LNX2: variants seen among roughly 807,000 people sequenced by gnomAD.
LNX2 encodes ligand of numb-protein X 2, also known as ligand of Numb protein X 2.
Under a neutral mutation model 66.2 loss-of-function variants are expected in LNX2, and 35 were observed. The ratio of observed to expected loss-of-function variants is 0.53; its 90% CI spans 0.40 to 0.70. The LOEUF is 0.70. Among genes scored for constraint, LNX2 ranks in the 30% least tolerant of loss-of-function variants. The pLI, the probability that LNX2 is intolerant of heterozygous loss-of-function variation, is 0.00. For missense variants in LNX2, 791 were observed against 850.8 expected, an observed-to-expected ratio of 0.93 and a Z score of 0.87; for synonymous variants, 337 against 315.6, an observed-to-expected ratio of 1.07 and a Z score of -0.72.
chr13:27,613,346 G>T (rs1955793098), intron 1 of LNX2, among the ~76,000 whole-genome samples: 1 of 151,870 alleles, frequency 6.6e-6, no homozygotes, highest in South Asian at 2.1e-4. Context: ...CACTCTAATA[G>T]AAAGTGTGGG....
At chr13:27,554,603 G>A (rs1001662358) in intron 7 of LNX2, among the ~76,000 whole-genome samples, 1 of 152,114 alleles carries the variant, frequency 6.6e-6, no homozygotes, top group Non-Finnish European at 1.5e-5. Flanking sequence ...TTGCTGTATG[G>A]GTAGACCACA....
rs1240493941 is a variant in LNX2 at position 27,616,584 on chromosome 13, A to G, written c.-101+3791T>C. On this transcript the variant is annotated intron_variant, in intron 1 of 9. Transcript: ENST00000316334. ...GAATTTTATTTTTGGTTTACAATAC[A>G]TTAATATTTGTTTAAGTACTTAGGG... Among the ~76,000 whole-genome samples the G allele has an allele frequency of 2.6e-5, 4 of 152,206 alleles. No individual in the cohort carries two copies. The East Asian group carries it at 7.7e-4, about 29-fold the overall frequency.
intron 2 of LNX2, among the ~76,000 whole-genome samples, chr13:27,575,117 T>A (rs1174167532): frequency 6.6e-6 from 1 of 152,232 alleles, no homozygotes; most frequent in Non-Finnish European, 1.5e-5. Flanking sequence ...CTCAAGTTCA[T>A]GTGAAAAATG....
At chr13:27,580,887 T>C (rs2138392517) in intron 2 of LNX2, among the ~76,000 whole-genome samples, 1 of 152,306 alleles carries the variant, frequency 6.6e-6, no homozygotes, top group Non-Finnish European at 1.5e-5. Context: ...GCACTGAACA[T>C]ATTTACATAC....
chr13:27,618,441 C>T (rs904382865), intron 1 of LNX2, among the ~76,000 whole-genome samples: 1 of 152,188 alleles, frequency 6.6e-6, no homozygotes, highest in African/African-American at 2.4e-5. Flanking sequence ...CACTTAACCC[C>T]TCCATTAGAA....
intron 4 of LNX2, 131 bp downstream of exon 4, chr13:27,567,509 T>A (rs775885205): frequency 1.4e-6 from 1 of 699,658 alleles, no homozygotes; most frequent in African/African-American, 1.8e-5. Flanking sequence ...TAAATTCTGA[T>A]GTTTTGCATA....
chr13:27,581,188 C>T (rs150336124), intron 2 of LNX2, 109 bp downstream of exon 2: 737 of 723,684 alleles, frequency 1.0e-3, no homozygotes, highest in African/African-American at 7.9e-3. Flanking sequence ...TTGATTCACC[C>T]ATTTACTTAC....
chr13:27,602,991 T>G (rs1161666462), intron 1 of LNX2, among the ~76,000 whole-genome samples: 1 of 152,152 alleles, frequency 6.6e-6, no homozygotes, highest in African/African-American at 2.4e-5. Context: ...TTATAAATTT[T>G]ATATATAACT....
intron 1 of LNX2, among the ~76,000 whole-genome samples, chr13:27,592,656 T>C (rs1219499125): frequency 6.6e-6 from 1 of 152,132 alleles, no homozygotes; most frequent in Non-Finnish European, 1.5e-5. Context: ...TAGATGAGTG[T>C]AAGCAGCAAA....
intron 1 of LNX2, among the ~76,000 whole-genome samples, chr13:27,593,563 C>CG (rs1555269238): frequency 8.0e-4 from 92 of 115,560 alleles, no homozygotes; most frequent in African/African-American, 2.7e-3. Context: ...CTGGCTGAAA[C>CG]TTTTTTTTTT....
chr13:27,586,782 ATCT>A (rs1955491712), intron 1 of LNX2, among the ~76,000 whole-genome samples: 1 of 152,248 alleles, frequency 6.6e-6, no homozygotes, highest in African/African-American at 2.4e-5. Flanking sequence ...TAACTGTATA[ATCT>A]ATTTAACAGT....
At position 27,547,218 on chromosome 13, in the gene LNX2, A is replaced by T. The variant is rs1053289071; in HGVS notation, c.*1117T>A. 2.0e-5 allele frequency: 3 copies of T among 152,220 alleles called. No homozygotes were observed. The highest frequency in any genetic ancestry group is 2.1e-4 in the South Asian group (1 of 4,828). 9.4% of individuals were successfully genotyped at this position (152,220 alleles called of 1,614,324 possible). A position where few individuals can be genotyped will look rare whatever the true frequency, so the allele number is the denominator to read the frequency against. On this transcript the variant is annotated 3_prime_UTR_variant, in exon 10 of 10. Coordinates refer to ENST00000316334, the MANE Select transcript of LNX2 (RefSeq NM_153371.4). The stretch of plus-strand genomic sequence containing the variant: ...ACATTTCTAGCCAAGATTACTGCTA[A>T]GAATAACACAACTCTAGAAATAATT...
In LNX2 at chr13:27,553,376, G is replaced by T. The variant is rs1237295413; in HGVS notation, c.1610C>A (p.Ala537Glu). 6.2e-7 allele frequency: 1 copy of T among 1,614,018 alleles called. No individual in the cohort carries two copies. Among genetic ancestry groups the T allele is most frequent in the Non-Finnish European group, 8.5e-7 (1 of 1,180,032 alleles). ...LTNLSHSEAV[A>E]MLKASAASPA... ...GGACGCGGCACTGGCTTTCAGCATT[G>T]CAACTGCCTCACTGTGACTTAAATT... Residue 537 changes from alanine to glutamate, a missense_variant, in exon 8 of 10, where the codon GCA becomes GAA. Transcript: ENST00000316334.
In LNX2 at chr13:27,556,427, GA is replaced by G; in HGVS notation, c.1369-15del. On this transcript the variant is annotated splice_polypyrimidine_tract_variant and intron_variant, in intron 6 of 9. Coordinates refer to ENST00000316334, the MANE Select transcript of LNX2 (RefSeq NM_153371.4). ...CTGAGTAAGATCCTAAAACATACAA[GA>G]AAAAAATCATTGGATAATGAATAAA... The G allele has an allele frequency of 6.2e-7, 1 of 1,601,826 alleles. No homozygotes were observed. The highest frequency in any genetic ancestry group is 8.5e-7 in the Non-Finnish European group (1 of 1,173,974).
intron 1 of LNX2, among the ~76,000 whole-genome samples, chr13:27,583,292 G>C (rs367677664): frequency 1.6e-5 from 2 of 124,180 alleles, no homozygotes; most frequent in South Asian, 2.7e-4. Flanking sequence ...TTTTAAGTTC[G>C]ATCTGTTGCC....
At chr13:27,563,419 A>G (rs1394552669) in intron 4 of LNX2, among the ~76,000 whole-genome samples, 1 of 152,216 alleles carries the variant, frequency 6.6e-6, no homozygotes, top group African/African-American at 2.4e-5. Context: ...TGCAAAAGTA[A>G]TTACGGTTTT....
intron 1 of LNX2, among the ~76,000 whole-genome samples, chr13:27,594,442 A>G (rs946556753): frequency 6.6e-6 from 1 of 152,172 alleles, no homozygotes; most frequent in Non-Finnish European, 1.5e-5. Flanking sequence ...ATGTAATTGA[A>G]TACACTCACT....
intron 2 of LNX2, among the ~76,000 whole-genome samples, chr13:27,575,063 A>G (rs1341934494): frequency 6.6e-6 from 1 of 152,238 alleles, no homozygotes; most frequent in Non-Finnish European, 1.5e-5. Flanking sequence ...AAGAAACACT[A>G]AAAGAAGTCC....
chr13:27,563,321 T>C (rs1955161945), intron 4 of LNX2, among the ~76,000 whole-genome samples: 1 of 152,238 alleles, frequency 6.6e-6, no homozygotes, highest in Admixed American at 6.5e-5. Flanking sequence ...GTATACAAAC[T>C]TATTTTAGAT....
Sources: allele counts gnomAD v4.1 joint callset (sites outside exome capture counted in the v4.1 genomes callset), GRCh38; gene constraint gnomAD v4.1.1; transcripts MANE v1.5; gene names NCBI Gene and HGNC (gene_info 2026-07-23, HGNC 2026-07-21).